The following CCDC91 variants were observed in gnomAD, a reference collection of about 807,000 sequenced individuals.
CCDC91 encodes the protein coiled-coil domain-containing protein 91.
In CCDC91, 48 loss-of-function variants were observed where a neutral mutation model predicts 63.2. The ratio of observed to expected loss-of-function variants is 0.76; its 90% CI spans 0.60 to 0.97. The LOEUF is 0.97. CCDC91 is among the 50% of genes least tolerant of loss of function. CCDC91 has a pLI of 0.00. For synonymous variants in CCDC91, 167 were observed against 165.8 expected, an observed-to-expected ratio of 1.01 and a Z score of -0.06; for missense variants, 500 against 494.6, an observed-to-expected ratio of 1.01 and a Z score of -0.10.
At chr12:28,452,265 T>C (rs1409435304) in intron 10 of CCDC91, among the ~76,000 whole-genome samples, 3 of 151,540 alleles carry the variant, frequency 2.0e-5, no homozygotes, top group Admixed American at 6.6e-5. Context: ...CTTTGAAGAT[T>C]AGAAATGCCA....
chr12:28,329,351 C>G (rs1490593038), intron 6 of CCDC91, among the ~76,000 whole-genome samples: 1 of 152,122 alleles, frequency 6.6e-6, no homozygotes, highest in Non-Finnish European at 1.5e-5. Context: ...CCAAATTCTT[C>G]CTTTTGCATC....
intron 1 of CCDC91, among the ~76,000 whole-genome samples, chr12:28,251,000 T>C (rs1946086920): frequency 6.6e-6 from 1 of 151,696 alleles, no homozygotes; most frequent in South Asian, 2.1e-4. Flanking sequence ...ATTTCCTTTG[T>C]TCTGTTTTCT....
chr12:28,473,830 T>C (rs932372211), intron 11 of CCDC91, among the ~76,000 whole-genome samples: 2 of 152,128 alleles, frequency 1.3e-5, no homozygotes, highest in African/African-American at 4.8e-5. Context: ...AACAAGCTCC[T>C]TTCTTCCCCC....
chr12:28,203,372 G>A (rs1242878829), intron 1 of CCDC91, among the ~76,000 whole-genome samples: 2 of 152,164 alleles, frequency 1.3e-5, no homozygotes, highest in Non-Finnish European at 2.9e-5. Context: ...TCCTGCTGAT[G>A]TCACTGTGTA....
At chr12:28,479,120 C>A (rs757869149) in intron 11 of CCDC91, among the ~76,000 whole-genome samples, 1 of 152,018 alleles carries the variant, frequency 6.6e-6, no homozygotes. Flanking sequence ...TGGGTATATA[C>A]CTAAAGGATT....
chr12:28,416,142 A>C (rs186261352), intron 8 of CCDC91, among the ~76,000 whole-genome samples: 8 of 152,170 alleles, frequency 5.3e-5, no homozygotes, highest in Non-Finnish European at 1.2e-4. Flanking sequence ...AAAGGGTACT[A>C]ATGTCTTTAT....
chr12:28,445,643 T>C (rs1949460294), intron 8 of CCDC91, among the ~76,000 whole-genome samples: 1 of 152,182 alleles, frequency 6.6e-6, no homozygotes, highest in South Asian at 2.1e-4. Context: ...CTCAGTCAGC[T>C]CAGGCTGCCA....
chr12:28,518,616 G>C (rs1565509992), intron 12 of CCDC91, among the ~76,000 whole-genome samples: 1 of 151,952 alleles, frequency 6.6e-6, no homozygotes. Context: ...TGTTTATTTT[G>C]CTGACTGTTT....
chr12:28,438,886 T>A (rs1949042397), intron 8 of CCDC91, among the ~76,000 whole-genome samples: 1 of 152,170 alleles, frequency 6.6e-6, no homozygotes, highest in South Asian at 2.1e-4. Context: ...TGGGATACAT[T>A]TTCAAAAGCT....
chr12:28,210,555 G>C (rs1388003880), intron 1 of CCDC91, among the ~76,000 whole-genome samples: 2 of 152,146 alleles, frequency 1.3e-5, no homozygotes, highest in Admixed American at 1.3e-4. Context: ...CCAGGAAAGG[G>C]TCTCTGGTGC....
At chr12:28,454,791 G>A (rs1182217546) in intron 11 of CCDC91, among the ~76,000 whole-genome samples, 1 of 152,052 alleles carries the variant, frequency 6.6e-6, no homozygotes, top group Non-Finnish European at 1.5e-5. Flanking sequence ...ATATGGCACT[G>A]TACTGGGGAT....
intron 1 of CCDC91, among the ~76,000 whole-genome samples, chr12:28,226,755 G>A (rs942134455): frequency 4.6e-5 from 7 of 151,862 alleles, no homozygotes; most frequent in Non-Finnish European, 8.8e-5. Context: ...TCTGTTCCAG[G>A]TTACTGTCTA....
intron 11 of CCDC91, among the ~76,000 whole-genome samples, chr12:28,461,687 A>ATTTTT (rs1950318280): frequency 6.6e-6 from 1 of 152,012 alleles, no homozygotes; most frequent in South Asian, 2.1e-4. Context: ...TGACTTTTAT[A>ATTTTT]TTTTTATTTT....
intron 8 of CCDC91, among the ~76,000 whole-genome samples, chr12:28,410,508 T>TTTTGTTTG (rs148780583): frequency 1.3e-5 from 2 of 151,974 alleles, no homozygotes; most frequent in Non-Finnish European, 2.9e-5. Context: ...TGTATGTGTT[T>TTTTGTTTG]TTTGTTTGTT....
At chr12:28,250,106 A>C (rs1946021656) in intron 1 of CCDC91, among the ~76,000 whole-genome samples, 1 of 152,138 alleles carries the variant, frequency 6.6e-6, no homozygotes, top group African/African-American at 2.4e-5. Flanking sequence ...GCTATTAAGG[A>C]GTTGGAAGTT....
At chr12:28,316,350 TTAAA>T (rs970052862) in intron 6 of CCDC91, among the ~76,000 whole-genome samples, 31 of 151,836 alleles carry the variant, frequency 2.0e-4, no homozygotes, top group African/African-American at 4.8e-4. Context: ...ATTCTTTAGT[TTAAA>T]TAATCATTTC....
rs531411584 is a variant in CCDC91 at position 28,350,571 on chromosome 12, G to C, written c.577-11867G>C. Among the ~76,000 whole-genome samples, 3 of 152,332 alleles carry C rather than the reference G, an allele frequency of 2.0e-5. No individual in the cohort carries two copies. In the South Asian group the frequency reaches 6.2e-4, roughly 32 times the overall value. On this transcript the variant is annotated intron_variant, in intron 6 of 12. Coordinates refer to ENST00000536442, the MANE Select transcript of CCDC91 (RefSeq NM_018318.5). The stretch of plus-strand genomic sequence containing the variant: ...ATTCAAAGGACAGTGGAAAAGTACA[G>C]TGTTTGACTTCTAGGGCTGCTATAA...
At chr12:28,450,120 G>A (rs773217001) in intron 8 of CCDC91, 41 bp from the exon 9 acceptor site, 1 of 1,153,972 alleles carries the variant, frequency 8.7e-7, no homozygotes, top group South Asian at 1.4e-5. Context: ...ACAGATACCT[G>A]TCTCAGAGCC....
intron 3 of CCDC91, among the ~76,000 whole-genome samples, chr12:28,280,181 C>A (rs1356475884): frequency 3.3e-5 from 5 of 152,042 alleles, no homozygotes; most frequent in Admixed American, 3.3e-4. Context: ...TTTAAACTAG[C>A]AGTCATGCTT....
Sources: allele counts gnomAD v4.1 joint callset (sites outside exome capture counted in the v4.1 genomes callset), GRCh38; gene constraint gnomAD v4.1.1; transcripts MANE v1.5; gene names NCBI Gene and HGNC (gene_info 2026-07-23, HGNC 2026-07-21).